ZNF786: variants seen among roughly 807,000 people sequenced by gnomAD.
ZNF786 encodes the protein zinc finger protein 786.
ZNF786 carries 56 observed loss-of-function variants against 63.1 expected under a neutral mutation model. The ratio of observed to expected loss-of-function variants is 0.89; its 90% CI spans 0.72 to 1.11. The LOEUF (loss-of-function observed/expected upper bound fraction) is 1.11. Among genes scored for constraint, ZNF786 ranks in the 50% least tolerant of loss-of-function variants. ZNF786 has a pLI of 0.00. For missense variants in ZNF786, 1,213 were observed against 1,041.8 expected, an observed-to-expected ratio of 1.16 and a Z score of -2.26; for synonymous variants, 485 against 406.9, an observed-to-expected ratio of 1.19 and a Z score of -2.31.
chr7:149,070,402 C>G lies in ZNF786; in HGVS notation c.*21G>C. On this transcript the variant is annotated 3_prime_UTR_variant, in exon 4 of 4. Coordinates refer to ENST00000491431, the MANE Select transcript of ZNF786 (RefSeq NM_152411.4). Reference sequence around the variant, plus strand: ...TGGGCAATACCAATCCTGCTCAACGCTTTGGATGTCCCACTCTGCCTCAAC... The same window carrying G: ...TGGGCAATACCAATCCTGCTCAACGGTTTGGATGTCCCACTCTGCCTCAAC... 6.2e-7 allele frequency: 1 copy of G among 1,607,448 alleles called. No homozygotes were observed. Among genetic ancestry groups the G allele is most frequent in the Non-Finnish European group, 8.5e-7 (1 of 1,175,542 alleles).
chr7:149,072,273 C>T lies in ZNF786; in HGVS notation c.499G>A (p.Gly167Ser), dbSNP rs748245832. 2 of 1,613,608 alleles carry T rather than the reference C, an allele frequency of 1.2e-6. No individual in the cohort carries two copies. The highest frequency in any genetic ancestry group is 1.1e-5 in the South Asian group (1 of 90,994). The change falls in exon 4 of 4, where the codon GGT (glycine) becomes AGT (serine). Residue 167 changes from glycine to serine, a missense_variant. Transcript: ENST00000491431. ...SESTLKEGIP[G>S]PRNLDLPGLW... ...CCAGGAAGATCCAGATTTCTGGGACCTGGGATTCCTTCTTTTAGGGTAGAT... is the reference window on the plus strand; with the variant it reads ...CCAGGAAGATCCAGATTTCTGGGACTTGGGATTCCTTCTTTTAGGGTAGAT...
At position 149,071,836 on chromosome 7, in the gene ZNF786, C is replaced by T; in HGVS notation, c.936G>A (p.Gln312=). Residue 312 remains glutamine (Q), a synonymous_variant, in exon 4 of 4, where the codon CAG becomes CAA. Transcript: ENST00000491431. ...CCCGGCTGTGCTGGCACCGGCGAGC[C>T]TGCGTGCTGTCCACTGGGAGGGAGC... is the stretch of plus-strand genomic sequence containing the variant. ...GKRSLPVDST[Q]ARRCQHSREG... 1.3e-6 allele frequency: 2 copies of T among 1,594,318 alleles called. No individual in the cohort carries two copies. Among genetic ancestry groups the T allele is most frequent in the Non-Finnish European group, 8.5e-7 (1 of 1,174,952 alleles).
intron 1 of ZNF786, among the ~76,000 whole-genome samples, chr7:149,086,519 T>C (rs879366122): frequency 3.3e-5 from 5 of 152,066 alleles, no homozygotes; most frequent in African/African-American, 4.8e-5. Flanking sequence ...TCCCGGCTAC[T>C]TGGGAGGCTG....
chr7:149,078,194 G>T (rs1170737693), intron 2 of ZNF786, among the ~76,000 whole-genome samples: 1 of 151,724 alleles, frequency 6.6e-6, no homozygotes, highest in East Asian at 1.9e-4. Context: ...CAACTGATAA[G>T]AATGAAAAAA....
At chr7:149,088,263 A>G (rs148375573) in intron 1 of ZNF786, among the ~76,000 whole-genome samples, 2,741 of 152,134 alleles carry the variant, frequency 0.018, 80 homozygotes, top group African/African-American at 0.061. Flanking sequence ...TGGACCTCCC[A>G]AAGTGCTGGG....
At chr7:149,078,713 G>A (rs1462275550) in intron 2 of ZNF786, among the ~76,000 whole-genome samples, 1 of 152,016 alleles carries the variant, frequency 6.6e-6, no homozygotes, top group Admixed American at 6.6e-5. Flanking sequence ...TATGGTAACA[G>A]AACAGAATAT....
chr7:149,072,083 G>T lies in ZNF786; in HGVS notation c.689C>A (p.Pro230Gln). 6.2e-7 allele frequency: 1 copy of T among 1,613,160 alleles called. No homozygotes were observed. Among genetic ancestry groups the T allele is most frequent in the East Asian group, 2.2e-5 (1 of 44,884 alleles). The change falls in exon 4 of 4, where the codon CCG (proline) becomes CAG (glutamine). Residue 230 changes from proline to glutamine, a missense_variant. Coordinates refer to ENST00000491431, the MANE Select transcript of ZNF786 (RefSeq NM_152411.4). ...CCTCTGTACCCGAGGGCTGCTCCAC[G>T]GCATCTGCGTCTCCGCCCTCTTGTT... Reference protein sequence around the residue: ...KFNKRAETQMPWSSPRVQRHF... With the variant: ...KFNKRAETQMQWSSPRVQRHF...
In ZNF786 at chr7:149,082,604, C is replaced by T. The variant is rs188667082; in HGVS notation, c.19-1887G>A. 1.1e-3 allele frequency: 423 copies of T among 377,522 alleles called. 4 individuals carry two copies. Among genetic ancestry groups the T allele is most frequent in the African/African-American group, 8.4e-3 (393 of 46,790 alleles). 23.4% of individuals were successfully genotyped at this position (377,522 alleles called of 1,614,324 possible). ...ACTTAAATTTTTTTTTTTTTTGAGA[C>T]GGCATCTCGCTCTGTTGCCAGGCTG... On this transcript the variant is annotated intron_variant, in intron 1 of 3. Coordinates refer to ENST00000491431, the MANE Select transcript of ZNF786 (RefSeq NM_152411.4).
In ZNF786 at chr7:149,071,840, G is replaced by T. The variant is rs754771541; in HGVS notation, c.932C>A (p.Thr311Lys). ...CGKRSLPVDS[T>K]QARRCQHSRE... is the part of the protein sequence containing the mutation. ...GCTGTGCTGGCACCGGCGAGCCTGCGTGCTGTCCACTGGGAGGGAGCGCTT... is the reference window on the plus strand; with the variant it reads ...GCTGTGCTGGCACCGGCGAGCCTGCTTGCTGTCCACTGGGAGGGAGCGCTT... The change falls in exon 4 of 4, where the codon ACG becomes AAG. Residue 311 changes from threonine to lysine, a missense_variant. By Grantham distance (78) the Thr-to-Lys change is moderately conservative (BLOSUM62 -1). Coordinates refer to ENST00000491431, the MANE Select transcript of ZNF786 (RefSeq NM_152411.4). The T allele has an allele frequency of 6.9e-6, 11 of 1,595,490 alleles. No homozygotes were observed. The Admixed American group carries it at 1.7e-4, about 24-fold the overall frequency.
chr7:149,075,408 A>AT (rs1280750594), intron 2 of ZNF786, among the ~76,000 whole-genome samples: 2 of 151,020 alleles, frequency 1.3e-5, no homozygotes, highest in African/African-American at 4.9e-5. Context: ...ACACTGGCTA[A>AT]TTTTTTTTAT....
intron 3 of ZNF786, among the ~76,000 whole-genome samples, chr7:149,072,870 G>A (rs1402139358): frequency 1.3e-5 from 2 of 152,186 alleles, no homozygotes; most frequent in Non-Finnish European, 1.5e-5. Flanking sequence ...GAGCTAATGT[G>A]CATGAGGTGC....
At chr7:149,078,665 C>T (rs1185429668) in intron 2 of ZNF786, among the ~76,000 whole-genome samples, 4 of 150,434 alleles carry the variant, frequency 2.7e-5, no homozygotes, top group Non-Finnish European at 5.9e-5. Context: ...GCCTGGGCAA[C>T]AAGAGTGAAA....
chr7:149,080,424 G>A (rs1273570068), intron 2 of ZNF786, among the ~76,000 whole-genome samples, 167 bp downstream of exon 2: 1 of 152,140 alleles, frequency 6.6e-6, no homozygotes, highest in Non-Finnish European at 1.5e-5. Context: ...CTTGAGTAAA[G>A]ATTAACAATG....
intron 1 of ZNF786, among the ~76,000 whole-genome samples, chr7:149,087,993 C>CTTTT (rs11304737): frequency 4.8e-5 from 6 of 126,272 alleles, no homozygotes; most frequent in African/African-American, 5.8e-5. Flanking sequence ...GTTGCCCAGG[C>CTTTT]TTTTTTTTTT....
chr7:149,083,259 A>T (rs1434877836), intron 1 of ZNF786, among the ~76,000 whole-genome samples: 1 of 151,170 alleles, frequency 6.6e-6, no homozygotes, highest in Admixed American at 6.6e-5. Flanking sequence ...TGTTTTGCCC[A>T]GGTTGGAGTA....
intron 2 of ZNF786, among the ~76,000 whole-genome samples, chr7:149,077,514 G>GGCGGGCGC (rs1825575275): frequency 6.6e-6 from 1 of 152,110 alleles, no homozygotes. Flanking sequence ...TGTAGTCCCA[G>GGCGGGCGC]CTACTCGGGA....
In ZNF786 at chr7:149,072,584, T is replaced by C. The variant is rs569724029; in HGVS notation, c.299-111A>G. 1.5e-3 allele frequency: 1,853 copies of C among 1,250,318 alleles called. 3 individuals are homozygous for C. The highest frequency in any genetic ancestry group is 1.8e-3 in the Non-Finnish European group (1,639 of 930,578). 77.5% of individuals were successfully genotyped at this position (1,250,318 alleles called of 1,614,324 possible). On this transcript the variant is annotated intron_variant, in intron 3 of 3. Transcript: ENST00000491431. ...CTTGTGGTGGCCTGGGAACCCAGCT[T>C]CCACTGAGCTACCCAACCATGCAGT...
chr7:149,079,563 CT>C (rs377025040), intron 2 of ZNF786, among the ~76,000 whole-genome samples: 20,051 of 119,374 alleles, frequency 0.17, 1,770 homozygotes, highest in African/African-American at 0.31. Flanking sequence ...GACAGCTACT[CT>C]TTTTTTTTTT....
chr7:149,075,069 T>C (rs767067481), intron 2 of ZNF786, among the ~76,000 whole-genome samples: 1 of 152,120 alleles, frequency 6.6e-6, no homozygotes, highest in Non-Finnish European at 1.5e-5. Flanking sequence ...GCTCAAGCAG[T>C]CTGCCTGCCT....
Sources: allele counts gnomAD v4.1 joint callset (sites outside exome capture counted in the v4.1 genomes callset), GRCh38; gene constraint gnomAD v4.1.1; transcripts MANE v1.5; gene names NCBI Gene and HGNC (gene_info 2026-07-23, HGNC 2026-07-21).